The following PRR16 variants were observed in gnomAD, a reference collection of about 807,000 sequenced individuals.
PRR16 encodes protein Largen.
In PRR16, 6 loss-of-function variants were observed where a neutral mutation model predicts 18.2. The ratio of observed to expected loss-of-function variants is 0.33; its 90% CI spans 0.18 to 0.65. The LOEUF is 0.65. Ranked by LOEUF, PRR16 falls within the 30% of genes least tolerant of loss-of-function variation. PRR16 has a pLI of 0.74. For missense variants in PRR16, 412 were observed against 376.6 expected, an observed-to-expected ratio of 1.09 and a Z score of -0.78; for synonymous variants, 151 against 147.8, an observed-to-expected ratio of 1.02 and a Z score of -0.16.
chr5:120,721,010 C>T, the PRR16 span, among the ~76,000 whole-genome samples: 19 of 151,846 alleles, frequency 1.3e-4, no homozygotes, highest in Admixed American at 9.9e-4. Flanking sequence ...CACCATTTAC[C>T]GAAAAAGGTT....
chr5:120,611,908 C>A (rs921104089), intron 1 of PRR16, among the ~76,000 whole-genome samples: 4 of 152,182 alleles, frequency 2.6e-5, no homozygotes, highest in Admixed American at 6.5e-5. Context: ...AAGCCACAGA[C>A]ACTCCATACC....
At chr5:120,675,311 T>G (rs1381101228) in intron 1 of PRR16, among the ~76,000 whole-genome samples, 1 of 152,210 alleles carries the variant, frequency 6.6e-6, no homozygotes. Flanking sequence ...TGTTCCATAT[T>G]TTTATAGCAA....
chr5:120,622,401 T>C (rs1398107644), intron 1 of PRR16, among the ~76,000 whole-genome samples: 1 of 152,094 alleles, frequency 6.6e-6, no homozygotes, highest in East Asian at 1.9e-4. Context: ...TCTAATATTG[T>C]CTTCTGAGAG....
At chr5:120,663,185 C>G (rs1338522481) in intron 1 of PRR16, among the ~76,000 whole-genome samples, 1 of 151,436 alleles carries the variant, frequency 6.6e-6, no homozygotes, top group Non-Finnish European at 1.5e-5. Context: ...AGGGTCTGTA[C>G]CAAGTCAAGA....
chr5:120,736,165 C>T, the PRR16 span, among the ~76,000 whole-genome samples: 1 of 152,222 alleles, frequency 6.6e-6, no homozygotes, highest in African/African-American at 2.4e-5. Context: ...GATTCTACTG[C>T]ATTGGCATAT....
intron 1 of PRR16, among the ~76,000 whole-genome samples, chr5:120,624,098 A>C (rs1049524149): frequency 1.3e-5 from 2 of 152,150 alleles, no homozygotes; most frequent in African/African-American, 4.8e-5. Context: ...ATTTTTCCAC[A>C]GAGGCTCTGC....
At chr5:120,748,075 G>A in the PRR16 span, among the ~76,000 whole-genome samples, 5 of 151,874 alleles carry the variant, frequency 3.3e-5, no homozygotes, top group East Asian at 9.6e-4. Context: ...TCTCTATTTG[G>A]GAGTCCCTCT....
chr5:120,756,811 T>G, the PRR16 span, among the ~76,000 whole-genome samples: 1 of 152,126 alleles, frequency 6.6e-6, no homozygotes, highest in East Asian at 1.9e-4. Context: ...AGGTCCTACT[T>G]GTCAATTTTT....
At chr5:120,618,971 A>G (rs1754600931) in intron 1 of PRR16, among the ~76,000 whole-genome samples, 1 of 93,558 alleles carries the variant, frequency 1.1e-5, no homozygotes, top group Non-Finnish European at 2.9e-5. Flanking sequence ...AAAAAGTCAG[A>G]ACAAAAAGTG....
chr5:120,529,227 A>G (rs1751466701), intron 1 of PRR16, among the ~76,000 whole-genome samples: 1 of 152,182 alleles, frequency 6.6e-6, no homozygotes, highest in Admixed American at 6.6e-5. Flanking sequence ...AAAGATAAAT[A>G]TGACATGATT....
chr5:120,534,092 G>T (rs1039396390), intron 1 of PRR16, among the ~76,000 whole-genome samples: 1 of 152,116 alleles, frequency 6.6e-6, no homozygotes, highest in Non-Finnish European at 1.5e-5. Context: ...TTGCTTATTA[G>T]ACATCCACAT....
intron 1 of PRR16, among the ~76,000 whole-genome samples, chr5:120,568,414 G>A (rs1477225234): frequency 1.3e-5 from 2 of 152,004 alleles, no homozygotes; most frequent in Non-Finnish European, 2.9e-5. Context: ...TTATGATCAG[G>A]GATATGAGAT....
At chr5:120,792,951 G>A in the PRR16 span, among the ~76,000 whole-genome samples, 32 of 149,216 alleles carry the variant, frequency 2.1e-4, no homozygotes, top group Admixed American at 9.3e-4. Flanking sequence ...TTAGGAGTTC[G>A]AGACCAACCT....
chr5:120,706,025 G>C, the PRR16 span, among the ~76,000 whole-genome samples: 16 of 152,088 alleles, frequency 1.1e-4, no homozygotes, highest in African/African-American at 3.9e-4. Flanking sequence ...ATATAACAAA[G>C]TTCGGAGACA....
chr5:120,660,032 A>C (rs1756122432), intron 1 of PRR16, among the ~76,000 whole-genome samples: 1 of 152,036 alleles, frequency 6.6e-6, no homozygotes, highest in African/African-American at 2.4e-5. Flanking sequence ...CATGGCTTAG[A>C]TTGCTCCATC....
At chr5:120,726,002 C>G in the PRR16 span, among the ~76,000 whole-genome samples, 1 of 151,568 alleles carries the variant, frequency 6.6e-6, no homozygotes, top group Non-Finnish European at 1.5e-5. Flanking sequence ...GGAAAGGTCT[C>G]GGGAAAGAGG....
At chr5:120,490,623 T>G (rs1008709702) in intron 1 of PRR16, among the ~76,000 whole-genome samples, 10 of 152,318 alleles carry the variant, frequency 6.6e-5, no homozygotes, top group Admixed American at 3.9e-4. Context: ...CGGAGTAGTT[T>G]GATTGTCTGA....
intron 1 of PRR16, among the ~76,000 whole-genome samples, chr5:120,475,077 C>T (rs572245104): frequency 1.3e-5 from 2 of 152,322 alleles, no homozygotes; most frequent in South Asian, 2.1e-4. Context: ...CTGTTAACTT[C>T]TCACTATGTG....
At chr5:120,641,676 A>G (rs1463342723) in intron 1 of PRR16, among the ~76,000 whole-genome samples, 4 of 152,060 alleles carry the variant, frequency 2.6e-5, no homozygotes, top group Non-Finnish European at 5.9e-5. Context: ...GATGGCTTTC[A>G]TTCTTTCCGA....
Sources: gnomAD v4.1 joint callset for allele counts (sites outside exome capture counted in the v4.1 genomes callset) on GRCh38, gnomAD v4.1.1 for gene constraint, MANE v1.5 for transcripts, NCBI Gene and HGNC (gene_info 2026-07-23, HGNC 2026-07-21) for gene names.